The following PITPNA variants were observed in gnomAD, a reference collection of about 807,000 sequenced individuals.
The protein encoded by PITPNA is phosphatidylinositol transfer protein alpha isoform.
In PITPNA, 13 loss-of-function variants were observed where a neutral mutation model predicts 50.3. The observed-to-expected ratio is 0.26, with a 90% CI of 0.17 to 0.41. The LOEUF is 0.41. PITPNA is among the 10% of genes least tolerant of loss of function. The probability of loss-of-function intolerance (pLI) is 1.00; values close to 1 mark genes in which losing one functional copy is unlikely to be tolerated. For synonymous variants in PITPNA, 120 were observed against 119.6 expected (o/e 1.00, Z -0.02); for missense variants, 207 against 333.4 (o/e 0.62, Z 2.95).
At chr17:1,534,390 G>A (rs1032921923) in intron 9 of PITPNA, among the ~76,000 whole-genome samples, 169 bp from the exon 10 acceptor site, 3 of 152,134 alleles carry the variant, frequency 2.0e-5, no homozygotes, top group African/African-American at 7.2e-5. Flanking sequence ...AATGACCTTT[G>A]CCTTCACGTG....
Position 1,517,913 on chromosome 17 carries a change from A to G in PITPNA, c.*2648T>C, listed in dbSNP as rs1281196026. 2.0e-5 allele frequency: 3 copies of G among 152,616 alleles called. No individual in the cohort carries two copies. Among genetic ancestry groups the G allele is most frequent in the Non-Finnish European group, 4.4e-5 (3 of 68,030 alleles). The allele number at this position is 152,616 out of a possible 1,614,324, so 9.5% of individuals were successfully genotyped here. On this transcript the variant is annotated 3_prime_UTR_variant, in exon 12 of 12. Transcript: ENST00000313486. The stretch of plus-strand genomic sequence containing the variant: ...ACCTCTTCCTAATCCTGCCCTGGTA[A>G]AATGGCGGTTATCAGTGCAAGTTTG...
intron 10 of PITPNA, among the ~76,000 whole-genome samples, chr17:1,529,933 A>G (rs931228461): frequency 2.0e-5 from 3 of 152,222 alleles, no homozygotes; most frequent in African/African-American, 7.2e-5. Flanking sequence ...CATTATCTAA[A>G]GAGTTAATGG....
At chr17:1,522,221 G>A (rs1273815549) in intron 10 of PITPNA, among the ~76,000 whole-genome samples, 7 of 150,634 alleles carry the variant, frequency 4.6e-5, no homozygotes, top group African/African-American at 1.2e-4. Flanking sequence ...ACAGGCGCCC[G>A]CCACCGCGCC....
chr17:1,518,163 A>C lies in PITPNA; in HGVS notation c.*2398T>G, dbSNP rs1469613636. On this transcript the variant is annotated 3_prime_UTR_variant, in exon 12 of 12. Transcript: ENST00000313486. ...CAACCAAAGTAAGTCAGGGAGTCCC[A>C]GCAGGGACTGTAAAAGAACTTGGGA... The C allele has an allele frequency of 1.3e-5, 2 of 152,546 alleles. No individual in the cohort carries two copies. Among genetic ancestry groups the C allele is most frequent in the Non-Finnish European group, 2.9e-5 (2 of 68,046 alleles). 9.4% of individuals were successfully genotyped at this position (152,546 alleles called of 1,614,324 possible).
chr17:1,538,344 G>C (rs776318423), intron 7 of PITPNA: 2 of 152,524 alleles, frequency 1.3e-5, no homozygotes, highest in African/African-American at 2.4e-5. Context: ...TTTTGACCAA[G>C]GTCATGGTCC....
intron 7 of PITPNA, chr17:1,535,776 CA>C: frequency 2.0e-6 from 1 of 497,944 alleles, no homozygotes; most frequent in African/African-American, 1.9e-5. Context: ...TGAGCAGGCA[CA>C]TATTTACCGT....
At chr17:1,558,158 G>A (rs997668570) in intron 2 of PITPNA, among the ~76,000 whole-genome samples, 7 of 151,040 alleles carry the variant, frequency 4.6e-5, no homozygotes, top group Non-Finnish European at 5.9e-5. Context: ...TTGAACCCAC[G>A]AGGCAGAGGT....
intron 2 of PITPNA, among the ~76,000 whole-genome samples, chr17:1,557,766 C>T (rs144918099): frequency 3.3e-5 from 5 of 152,168 alleles, no homozygotes; most frequent in Non-Finnish European, 5.9e-5. Flanking sequence ...CCCTGCCCTT[C>T]GTAAAAGGAG....
rs1461957494 is a variant in PITPNA at position 1,562,311 on chromosome 17, A to C, written c.20+230T>G. The stretch of plus-strand genomic sequence containing the variant: ...TGCCGAACGCCCCGGCTGCCCCTCC[A>C]CGCCCCGGCCGCCCCTCCACGCCCC... On this transcript the variant is annotated intron_variant, in intron 1 of 11. Coordinates refer to ENST00000313486, the MANE Select transcript of PITPNA (RefSeq NM_006224.4). The surrounding 1 kb of genome is among the most constrained non-coding windows in gnomAD (Gnocchi z 6.4). Among the ~76,000 whole-genome samples, 14 of 96,694 alleles carry C rather than the reference A, an allele frequency of 1.4e-4. No individual in the cohort carries two copies. Among genetic ancestry groups the C allele is most frequent in the Admixed American group, 3.8e-4 (4 of 10,654 alleles). 63.4% of individuals were successfully genotyped at this position (96,694 alleles called of 152,430 possible). A position where few individuals can be genotyped will look rare whatever the true frequency, so the allele number is the denominator to read the frequency against.
At chr17:1,521,505 T>G in intron 11 of PITPNA, 74 bp downstream of exon 11, 14 of 967,770 alleles carry the variant, frequency 1.4e-5, no homozygotes, top group Non-Finnish European at 2.4e-5. Flanking sequence ...GACTCCATAG[T>G]GAGCTGCTGA....
intron 10 of PITPNA, among the ~76,000 whole-genome samples, chr17:1,521,910 T>G (rs1219419652): frequency 2.0e-4 from 27 of 137,588 alleles, no homozygotes; most frequent in African/African-American, 2.8e-4. Context: ...GAGGTGTGTG[T>G]GGGGGGGTCT....
At chr17:1,554,276 G>A (rs1190135191) in intron 2 of PITPNA, among the ~76,000 whole-genome samples, 6 of 151,908 alleles carry the variant, frequency 3.9e-5, no homozygotes, top group Non-Finnish European at 7.4e-5. Context: ...TGAGAAAAAG[G>A]AAAAAAGCTA....
At chr17:1,550,857 G>A (rs1291074440) in intron 3 of PITPNA, among the ~76,000 whole-genome samples, 1 of 152,274 alleles carries the variant, frequency 6.6e-6, no homozygotes, top group African/African-American at 2.4e-5. Flanking sequence ...CTGAACACTT[G>A]AAGCGGTGCG....
intron 5 of PITPNA, 153 bp from the exon 6 acceptor site, chr17:1,541,793 C>T (rs369570531): frequency 1.1e-4 from 78 of 708,946 alleles, no homozygotes; most frequent in African/African-American, 9.5e-4. Flanking sequence ...TGGGAGCCCA[C>T]GACACACTAG....
At chr17:1,535,332 G>T in intron 8 of PITPNA, 40 bp from the exon 9 acceptor site, 1 of 1,543,090 alleles carries the variant, frequency 6.5e-7, no homozygotes, top group South Asian at 1.1e-5. Flanking sequence ...AAGTAACAAC[G>T]GGCAGACCTC....
At chr17:1,560,331 C>T (rs1045610525) in intron 1 of PITPNA, among the ~76,000 whole-genome samples, 1 of 152,196 alleles carries the variant, frequency 6.6e-6, no homozygotes, top group Non-Finnish European at 1.5e-5. Context: ...TCTAATGTGA[C>T]CTTCACTCGC....
chr17:1,560,887 T>C (rs1206993419), intron 1 of PITPNA, among the ~76,000 whole-genome samples: 2 of 152,160 alleles, frequency 1.3e-5, no homozygotes, highest in Non-Finnish European at 2.9e-5. Flanking sequence ...TGGGATGACA[T>C]GTGGGTCTCA....
At position 1,530,408 on chromosome 17, in the gene PITPNA, T is replaced by C. The variant is rs556257776; in HGVS notation, c.768+3691A>G. Among the ~76,000 whole-genome samples the C allele has an allele frequency of 1.9e-4, 29 of 152,224 alleles. 1 individual carries two copies. The South Asian group carries it at 6.0e-3, about 32-fold the overall frequency. On this transcript the variant is annotated intron_variant, in intron 10 of 11. Transcript: ENST00000313486. Reference sequence around the variant, plus strand: ...TCCTACAGGCACATAGTTCCAGAAATTTTTTCTTTTTAGGGCGAAGAACTA... The same window carrying C: ...TCCTACAGGCACATAGTTCCAGAAACTTTTTCTTTTTAGGGCGAAGAACTA...
intron 4 of PITPNA, among the ~76,000 whole-genome samples, chr17:1,547,902 C>G (rs1185756727): frequency 6.6e-6 from 1 of 151,598 alleles, no homozygotes; most frequent in African/African-American, 2.4e-5. Context: ...GCTGAGGCAG[C>G]AGAATTGCTT....
Sources: allele counts gnomAD v4.1 joint callset (sites outside exome capture counted in the v4.1 genomes callset), GRCh38; gene constraint gnomAD v4.1.1; non-coding constraint Gnocchi (gnomAD v3.1); transcripts MANE v1.5; gene names NCBI Gene and HGNC (gene_info 2026-07-23, HGNC 2026-07-21).